MAGI1: variants seen among roughly 807,000 people sequenced by gnomAD.
MAGI1 encodes membrane associated guanylate kinase, WW and PDZ domain containing 1, also known as membrane-associated guanylate kinase, WW and PDZ domain-containing protein 1.
A neutral mutation model predicts 139.9 loss-of-function variants in MAGI1; 58 were observed. The observed-to-expected ratio is 0.41, with a 90% CI of 0.34 to 0.52. The LOEUF (loss-of-function observed/expected upper bound fraction) is 0.52, where lower values mean the gene tolerates loss of function less well. MAGI1 is among the 20% of genes least tolerant of loss of function. The pLI is 0.12. For synonymous variants in MAGI1, 812 were observed against 737.9 expected (o/e 1.10, Z -1.63); for missense variants, 1,874 against 1,901.6 (o/e 0.99, Z 0.27).
chr3:65,461,647 C>T (rs1283201123), intron 5 of MAGI1, among the ~76,000 whole-genome samples: 1 of 151,718 alleles, frequency 6.6e-6, no homozygotes, highest in Admixed American at 6.6e-5. Context: ...CGCCACCACG[C>T]CTGGCTAATT....
At chr3:65,514,462 G>GA (rs1408598139) in intron 2 of MAGI1, among the ~76,000 whole-genome samples, 12 of 147,608 alleles carry the variant, frequency 8.1e-5, no homozygotes, top group Non-Finnish European at 1.6e-4. Context: ...AAATTTACAA[G>GA]AAAAAAACAA....
At chr3:65,636,971 C>T (rs544397385) in intron 1 of MAGI1, among the ~76,000 whole-genome samples, 1 of 152,314 alleles carries the variant, frequency 6.6e-6, no homozygotes, top group East Asian at 1.9e-4. Context: ...GCAGGCTTTG[C>T]CTAGTGTTTC....
intron 1 of MAGI1, among the ~76,000 whole-genome samples, chr3:66,035,735 C>T (rs2068880684): frequency 6.6e-6 from 1 of 152,198 alleles, no homozygotes. Context: ...TACCCACACA[C>T]TCGCCCCTGC....
intron 1 of MAGI1, among the ~76,000 whole-genome samples, chr3:66,034,020 C>G (rs188345634): frequency 6.6e-6 from 1 of 152,312 alleles, no homozygotes; most frequent in Admixed American, 6.5e-5. Flanking sequence ...CCTGTCTCAT[C>G]TGATGTCATC....
intron 15 of MAGI1, 62 bp downstream of exon 15, chr3:65,383,470 C>T (rs1278747330): frequency 2.4e-6 from 3 of 1,241,902 alleles, no homozygotes; most frequent in South Asian, 1.2e-5. Flanking sequence ...TTGTCACTGT[C>T]GCCAATTTGC....
rs76040847 is a variant in MAGI1, at chr3:65,797,065, G to A, written c.314-174977C>T. Among the ~76,000 whole-genome samples the A allele has an allele frequency of 4.4e-3, 665 of 152,044 alleles. 24 individuals are homozygous for A. The East Asian group carries it at 0.093, about 21-fold the overall frequency. Reference sequence around the variant, plus strand: ...TCATCCAGAAAACCTTAGCTATGCCGCATGAGTTCTGATTATCTATTAAAC... The same window carrying A: ...TCATCCAGAAAACCTTAGCTATGCCACATGAGTTCTGATTATCTATTAAAC... On this transcript the variant is annotated intron_variant, in intron 1 of 22. Transcript: ENST00000402939.
intron 2 of MAGI1, among the ~76,000 whole-genome samples, chr3:65,530,624 GGTGTGTGTGTGT>G (rs57337916): frequency 0.34 from 43,811 of 129,196 alleles, 9,196 homozygotes; most frequent in East Asian, 0.64. Flanking sequence ...ATGTGTGTGT[GGTGTGTGTGTGT>G]GTGTGTGTGT....
At chr3:65,819,574 A>G (rs1215818498) in intron 1 of MAGI1, among the ~76,000 whole-genome samples, 1 of 151,996 alleles carries the variant, frequency 6.6e-6, no homozygotes, top group Non-Finnish European at 1.5e-5. Flanking sequence ...CCCCAGCATT[A>G]AGGCAAAAAA....
At chr3:65,890,373 A>G (rs1331194531) in intron 1 of MAGI1, among the ~76,000 whole-genome samples, 3 of 152,148 alleles carry the variant, frequency 2.0e-5, no homozygotes, top group Non-Finnish European at 4.4e-5. Flanking sequence ...TCAAAACAAA[A>G]AACAAACAAA....
At chr3:65,503,268 G>T (rs1280544700) in intron 2 of MAGI1, among the ~76,000 whole-genome samples, 1 of 152,100 alleles carries the variant, frequency 6.6e-6, no homozygotes, top group Non-Finnish European at 1.5e-5. Flanking sequence ...CACGAATAAA[G>T]AAGGCCAGCC....
intron 2 of MAGI1, among the ~76,000 whole-genome samples, chr3:65,530,166 G>T (rs1339877108): frequency 6.6e-6 from 1 of 152,116 alleles, no homozygotes; most frequent in East Asian, 1.9e-4. Context: ...CATATCCAAG[G>T]TTAAAATAGA....
intron 2 of MAGI1, among the ~76,000 whole-genome samples, chr3:65,592,324 G>C (rs2082006970): frequency 6.6e-6 from 1 of 152,112 alleles, no homozygotes; most frequent in Non-Finnish European, 1.5e-5. Context: ...GAAAAGTCAA[G>C]TTGTAACTGA....
intron 1 of MAGI1, among the ~76,000 whole-genome samples, chr3:65,975,524 G>C (rs527900653): frequency 7.2e-5 from 11 of 152,240 alleles, no homozygotes; most frequent in African/African-American, 2.6e-4. Flanking sequence ...GGAAGGTGGA[G>C]GTGGGCGGAT....
intron 2 of MAGI1, among the ~76,000 whole-genome samples, chr3:65,525,055 C>A (rs2078323129): frequency 1.3e-5 from 2 of 152,158 alleles, no homozygotes; most frequent in South Asian, 4.1e-4. Flanking sequence ...CTCCCCTTGG[C>A]TCCAGCACCC....
chr3:65,375,720 G>A (rs369220017), intron 18 of MAGI1, 25 bp downstream of exon 18: 354 of 1,542,928 alleles, frequency 2.3e-4, no homozygotes, highest in Non-Finnish European at 2.9e-4. Context: ...GAGAGAGAGA[G>A]AGAGAGATAA....
At chr3:65,487,499 C>G (rs1013936075) in intron 3 of MAGI1, among the ~76,000 whole-genome samples, 1 of 152,194 alleles carries the variant, frequency 6.6e-6, no homozygotes, top group African/African-American at 2.4e-5. Context: ...CCCTAACTCC[C>G]TGAAGTATCT....
At chr3:65,783,714 C>T (rs187668094) in intron 1 of MAGI1, among the ~76,000 whole-genome samples, 25 of 148,482 alleles carry the variant, frequency 1.7e-4, no homozygotes, top group African/African-American at 5.7e-4. Flanking sequence ...CCCAGGCTGG[C>T]CTCAAACTCC....
At chr3:65,439,186 T>C (rs1348907213) in intron 9 of MAGI1, among the ~76,000 whole-genome samples, 1 of 152,116 alleles carries the variant, frequency 6.6e-6, no homozygotes, top group Non-Finnish European at 1.5e-5. Context: ...CATTAAAAAG[T>C]ATAAGCTAAA....
At chr3:66,015,372 T>A (rs558729836) in intron 1 of MAGI1, among the ~76,000 whole-genome samples, 1 of 152,074 alleles carries the variant, frequency 6.6e-6, no homozygotes, top group African/African-American at 2.4e-5. Context: ...CATTTCCTCA[T>A]TGATAACTGT....
Sources: gnomAD v4.1 joint callset for allele counts (sites outside exome capture counted in the v4.1 genomes callset) on GRCh38, gnomAD v4.1.1 for gene constraint, MANE v1.5 for transcripts, NCBI Gene and HGNC (gene_info 2026-07-23, HGNC 2026-07-21) for gene names.